Variants in NR3C2 observed in about 807,000 individuals in gnomAD.
The protein encoded by NR3C2 is nuclear receptor subfamily 3 group C member 2.
Under a neutral mutation model 86.4 loss-of-function variants are expected in NR3C2, and 15 were observed. That is an observed-to-expected ratio of 0.17 (90% confidence interval 0.12 to 0.27). The LOEUF is 0.27. Ranked by LOEUF, NR3C2 falls within the 10% of genes least tolerant of loss-of-function variation. The probability of loss-of-function intolerance (pLI) is 1.00; values close to 1 mark genes in which losing one functional copy is unlikely to be tolerated. For synonymous variants in NR3C2, 458 were observed against 450.5 expected (o/e 1.02, Z -0.21); for missense variants, 960 against 1,195.6 (o/e 0.80, Z 2.91).
intron 2 of NR3C2, among the ~76,000 whole-genome samples, chr4:148,357,896 T>C (rs1745628225): frequency 6.6e-6 from 1 of 152,242 alleles, no homozygotes; most frequent in South Asian, 2.1e-4. Context: ...TTCTTACCTT[T>C]TGATTTATGC....
At chr4:148,318,328 A>G (rs868019625) in intron 2 of NR3C2, among the ~76,000 whole-genome samples, 30 of 151,936 alleles carry the variant, frequency 2.0e-4, no homozygotes, top group African/African-American at 5.8e-4. Context: ...TAATGCCGCA[A>G]TAAACATATG....
At chr4:148,226,375 C>T (rs1033398288) in intron 3 of NR3C2, among the ~76,000 whole-genome samples, 1 of 152,138 alleles carries the variant, frequency 6.6e-6, no homozygotes, top group African/African-American at 2.4e-5. Flanking sequence ...ATACAGTAAG[C>T]ACTTCTTTGT....
rs1417138118 is a variant in NR3C2 at position 148,436,705 on chromosome 4, G to A, written c.156C>T (p.Ser52=). ...GAGTACTGTTGTTTGGAATAGCACC[G>A]GAAACACAGCTTACGTTGACAATCT... is the stretch of plus-strand genomic sequence containing the variant. ...YMEIVNVSCV[S]GAIPNNSTQG... The change falls in exon 2 of 9, where the codon TCC becomes TCT. Residue 52 remains serine (S), a synonymous_variant. Transcript: ENST00000358102. 1.9e-6 allele frequency: 3 copies of A among 1,614,046 alleles called. No individual in the cohort carries two copies. The highest frequency in any genetic ancestry group is 1.7e-5 in the Admixed American group (1 of 60,008).
chr4:148,283,533 A>T (rs535742519), intron 2 of NR3C2, among the ~76,000 whole-genome samples: 1 of 152,290 alleles, frequency 6.6e-6, no homozygotes, highest in South Asian at 2.1e-4. Flanking sequence ...AGGCTCAAGA[A>T]ATTGAAAAAA....
intron 6 of NR3C2, among the ~76,000 whole-genome samples, chr4:148,134,643 C>CTCTTTTTTTTTTTTT (rs1440338033): frequency 3.2e-4 from 13 of 40,806 alleles, no homozygotes; most frequent in South Asian, 2.2e-3. Flanking sequence ...CTCTCTCTCT[C>CTCTTTTTTTTTTTTT]TTTTTTTTTT....
chr4:148,257,914 A>G (rs560821139), intron 3 of NR3C2, among the ~76,000 whole-genome samples: 3 of 152,172 alleles, frequency 2.0e-5, no homozygotes, highest in African/African-American at 7.2e-5. Context: ...TTCATTATCC[A>G]TGGATCGATC....
intron 2 of NR3C2, among the ~76,000 whole-genome samples, chr4:148,281,605 T>G (rs1193124650): frequency 6.6e-6 from 1 of 152,244 alleles, no homozygotes; most frequent in Non-Finnish European, 1.5e-5. Flanking sequence ...TTATTTAAGG[T>G]CCAATCTTTG....
At chr4:148,182,991 GC>G (rs1422354720) in intron 4 of NR3C2, among the ~76,000 whole-genome samples, 4 of 152,146 alleles carry the variant, frequency 2.6e-5, no homozygotes, top group African/African-American at 9.6e-5. Flanking sequence ...TCCACAACAG[GC>G]CCCAGTGTGT....
At chr4:148,314,644 A>G (rs1450770456) in intron 2 of NR3C2, among the ~76,000 whole-genome samples, 1 of 152,164 alleles carries the variant, frequency 6.6e-6, no homozygotes, top group Non-Finnish European at 1.5e-5. Flanking sequence ...GTAATTTCCT[A>G]GAAAGGATAA....
At chr4:148,319,143 C>T (rs1444704960) in intron 2 of NR3C2, among the ~76,000 whole-genome samples, 1 of 151,170 alleles carries the variant, frequency 6.6e-6, no homozygotes, top group Non-Finnish European at 1.5e-5. Context: ...AGTCCTTTCC[C>T]CATTGCTCGT....
At chr4:148,360,789 C>T (rs909616491) in intron 2 of NR3C2, among the ~76,000 whole-genome samples, 2 of 152,098 alleles carry the variant, frequency 1.3e-5, no homozygotes, top group Admixed American at 6.5e-5. Flanking sequence ...TAGATGCTTT[C>T]AGGTAAGTGT....
chr4:148,351,811 C>T (rs538456821), intron 2 of NR3C2, among the ~76,000 whole-genome samples: 5 of 152,226 alleles, frequency 3.3e-5, no homozygotes, highest in Admixed American at 1.3e-4. Flanking sequence ...GTGATAAATG[C>T]CTACCTACAA....
chr4:148,284,713 T>C (rs1168604926), intron 2 of NR3C2, among the ~76,000 whole-genome samples: 2 of 152,154 alleles, frequency 1.3e-5, no homozygotes, highest in African/African-American at 4.8e-5. Context: ...ATCCAATTAG[T>C]GCTTTCTGCC....
intron 2 of NR3C2, among the ~76,000 whole-genome samples, chr4:148,284,733 C>T (rs1173175969): frequency 6.6e-6 from 1 of 152,130 alleles, no homozygotes; most frequent in African/African-American, 2.4e-5. Flanking sequence ...CATCAGATGG[C>T]ACACTGGCCC....
intron 2 of NR3C2, among the ~76,000 whole-genome samples, chr4:148,409,428 G>A (rs551514955): frequency 6.6e-6 from 1 of 152,158 alleles, no homozygotes; most frequent in African/African-American, 2.4e-5. Flanking sequence ...CCACCTTCAA[G>A]GATAGTCACA....
chr4:148,375,718 AAC>A (rs748661925), intron 2 of NR3C2, among the ~76,000 whole-genome samples: 50 of 152,336 alleles, frequency 3.3e-4, no homozygotes, highest in African/African-American at 8.4e-4. Flanking sequence ...AATTAAAAAA[AAC>A]AGTTTCAAAA....
chr4:148,202,650 A>G (rs1482324471), intron 3 of NR3C2, among the ~76,000 whole-genome samples: 1 of 152,168 alleles, frequency 6.6e-6, no homozygotes, highest in Non-Finnish European at 1.5e-5. Flanking sequence ...GAAATGTGCT[A>G]TTTTACAGGT....
intron 2 of NR3C2, among the ~76,000 whole-genome samples, chr4:148,322,668 C>T (rs1291896736): frequency 2.0e-4 from 22 of 109,792 alleles, no homozygotes; most frequent in Admixed American, 3.0e-4. Flanking sequence ...CAGTTGATCG[C>T]ATCAGCTCCT....
intron 6 of NR3C2, among the ~76,000 whole-genome samples, chr4:148,141,266 C>T (rs888402580): frequency 2.0e-5 from 3 of 152,104 alleles, no homozygotes; most frequent in African/African-American, 7.2e-5. Context: ...AACCCTGTCT[C>T]TACTAAAAAT....
Sources: gnomAD v4.1 joint callset for allele counts (sites outside exome capture counted in the v4.1 genomes callset) on GRCh38, gnomAD v4.1.1 for gene constraint, MANE v1.5 for transcripts, NCBI Gene and HGNC (gene_info 2026-07-23, HGNC 2026-07-21) for gene names.